The following PHTF2 variants were observed in gnomAD, a reference collection of about 807,000 sequenced individuals.
PHTF2 encodes the protein putative homeodomain transcription factor 2.
In PHTF2, 60 loss-of-function variants were observed where a neutral mutation model predicts 101.2. The observed-to-expected ratio is 0.59, with a 90% CI of 0.48 to 0.73. The LOEUF (loss-of-function observed/expected upper bound fraction) is 0.73. PHTF2 is among the 30% of genes least tolerant of loss of function. The pLI is 0.00. For synonymous variants in PHTF2, 311 were observed against 307.3 expected (o/e 1.01, Z -0.13); for missense variants, 747 against 908.7 (o/e 0.82, Z 2.29).
At chr7:77,884,431 A>G (rs2463009) in intron 3 of PHTF2, among the ~76,000 whole-genome samples, 2,886 of 151,876 alleles carry the variant, frequency 0.019, 86 homozygotes, top group African/African-American at 0.066. Flanking sequence ...ATCACTCTCT[A>G]TGCCTTTGTG....
At chr7:77,871,126 G>A (rs1359275602) in intron 3 of PHTF2, among the ~76,000 whole-genome samples, 1 of 151,916 alleles carries the variant, frequency 6.6e-6, no homozygotes, top group Non-Finnish European at 1.5e-5. Flanking sequence ...GCAAGTCATG[G>A]TGTTTTCTCT....
chr7:77,898,665 A>G (rs1435305940), intron 5 of PHTF2, among the ~76,000 whole-genome samples: 2 of 152,198 alleles, frequency 1.3e-5, no homozygotes, highest in Admixed American at 6.5e-5. Flanking sequence ...TGCCTGGGGA[A>G]GTACCTTGTT....
intron 5 of PHTF2, among the ~76,000 whole-genome samples, chr7:77,899,703 A>G (rs936213884): frequency 1.2e-4 from 19 of 152,300 alleles, no homozygotes; most frequent in African/African-American, 4.6e-4. Context: ...TTCAAACAGA[A>G]TACTTAATCA....
At chr7:77,860,906 G>A (rs1010493147) in intron 3 of PHTF2, among the ~76,000 whole-genome samples, 2 of 151,942 alleles carry the variant, frequency 1.3e-5, no homozygotes, top group East Asian at 3.9e-4. Flanking sequence ...GTCTCACTCT[G>A]CTGCCCAGGC....
Position 77,847,934 on chromosome 7 carries a change from C to T in PHTF2, c.46-6799C>T, listed in dbSNP as rs189432245. 1.7e-4 allele frequency among the ~76,000 whole-genome samples: 26 copies of T among 152,262 alleles called. No individual in the cohort carries two copies. In the East Asian group the frequency reaches 3.5e-3, roughly 20 times the overall value. Reference sequence around the variant, plus strand: ...AGTTCAATTCTTTTAATTTTTAGCTCCCACAAATTAGTGAGAACCTGTGAA... The same window carrying T: ...AGTTCAATTCTTTTAATTTTTAGCTTCCACAAATTAGTGAGAACCTGTGAA... On this transcript the variant is annotated intron_variant, in intron 2 of 19. Coordinates refer to ENST00000416283, the Ensembl canonical transcript of PHTF2.
chr7:77,799,954 A>G (rs191626008), intron 1 of PHTF2, among the ~76,000 whole-genome samples: 179 of 152,070 alleles, frequency 1.2e-3, no homozygotes, highest in African/African-American at 4.2e-3. Context: ...TGATACTTTA[A>G]TCTTAAGGTT....
intron 12 of PHTF2, among the ~76,000 whole-genome samples, chr7:77,935,130 C>A (rs1038147010): frequency 8.0e-5 from 4 of 50,100 alleles, no homozygotes; most frequent in Non-Finnish European, 1.8e-4. Flanking sequence ...TCCCCCCCCC[C>A]ACACACACAC....
chr7:77,840,930 G>A (rs371405201), intron 2 of PHTF2, among the ~76,000 whole-genome samples: 3 of 151,790 alleles, frequency 2.0e-5, no homozygotes, highest in East Asian at 3.9e-4. Context: ...ATGTTGTTTT[G>A]TGTAATACCT....
At chr7:77,955,251 A>C (rs1806923212) in exon 20 of PHTF2, 1 of 155,924 alleles carries the variant, frequency 6.4e-6, no homozygotes. Context: ...TACTTGAGGA[A>C]AAATTCTTTA....
chr7:77,939,181 A>G (rs1805418310), intron 13 of PHTF2, among the ~76,000 whole-genome samples: 1 of 152,128 alleles, frequency 6.6e-6, no homozygotes, highest in Admixed American at 6.5e-5. Flanking sequence ...CCATTATCTA[A>G]TTTCCTTTTT....
chr7:77,942,821 AT>A (rs1240350914), intron 16 of PHTF2, 35 bp downstream of exon 15: 1 of 896,352 alleles, frequency 1.1e-6, no homozygotes, highest in East Asian at 2.7e-5. Flanking sequence ...AATTAACCAG[AT>A]ATATAAATAT....
chr7:77,822,523 C>G lies in PHTF2; in HGVS notation c.-35-17698C>G, dbSNP rs1443098242. 3.3e-5 allele frequency among the ~76,000 whole-genome samples: 5 copies of G among 152,248 alleles called. No individual in the cohort carries two copies. In the East Asian group the frequency reaches 9.7e-4, roughly 29 times the overall value. On this transcript the variant is annotated intron_variant, in intron 1 of 19. Coordinates refer to ENST00000416283, the Ensembl canonical transcript of PHTF2. ...AGCTGCATGAATTCCTGGCAGCTCT[C>G]CAGACTGGGCTTGGGGCTTGCAAGG... is the stretch of plus-strand genomic sequence containing the variant.
chr7:77,926,897 C>T (rs1804057541), intron 11 of PHTF2, among the ~76,000 whole-genome samples: 1 of 151,982 alleles, frequency 6.6e-6, no homozygotes, highest in Non-Finnish European at 1.5e-5. Flanking sequence ...ATGGCTCACC[C>T]CTGTAATCCC....
At chr7:77,806,357 A>G (rs549148536) in intron 1 of PHTF2, among the ~76,000 whole-genome samples, 20 of 152,302 alleles carry the variant, frequency 1.3e-4, no homozygotes, top group African/African-American at 4.6e-4. Flanking sequence ...TGCTAGGTGC[A>G]TGCATATTTA....
chr7:77,916,030 TC>T (rs1439206794), intron 9 of PHTF2, among the ~76,000 whole-genome samples: 1 of 151,690 alleles, frequency 6.6e-6, no homozygotes, highest in Non-Finnish European at 1.5e-5. Context: ...AAGTATAATT[TC>T]TTCCTATACG....
intron 3 of PHTF2, among the ~76,000 whole-genome samples, chr7:77,886,882 C>G (rs1024657832): frequency 3.3e-5 from 5 of 151,854 alleles, no homozygotes; most frequent in Admixed American, 3.3e-4. Context: ...GTCACCTCTA[C>G]AAGACATAAA....
intron 2 of PHTF2, among the ~76,000 whole-genome samples, chr7:77,850,194 T>TAAA (rs35229132): frequency 4.6e-5 from 6 of 130,164 alleles, no homozygotes; most frequent in Non-Finnish European, 6.6e-5. Flanking sequence ...CTACAAAATT[T>TAAA]AAAAAAAAAA....
chr7:77,828,724 T>G (rs1377714300), intron 1 of PHTF2, among the ~76,000 whole-genome samples: 1 of 152,060 alleles, frequency 6.6e-6, no homozygotes, highest in Admixed American at 6.5e-5. Flanking sequence ...AAAAATTAGC[T>G]GGGCGTGGTG....
exon 8 of PHTF2, chr7:77,908,827 C>G (rs201800333): frequency 6.2e-7 from 1 of 1,610,300 alleles, no homozygotes; most frequent in Non-Finnish European, 8.5e-7. Flanking sequence ...CCACTTCTAG[C>G]CCACACAGCA....
Sources: gnomAD v4.1 joint callset for allele counts (sites outside exome capture counted in the v4.1 genomes callset) on GRCh38, gnomAD v4.1.1 for gene constraint, MANE v1.5 for transcripts, NCBI Gene and HGNC (gene_info 2026-07-23, HGNC 2026-07-21) for gene names.